The following SLC13A2 variants were observed in gnomAD, a reference collection of about 807,000 sequenced individuals.
The protein encoded by SLC13A2 is Na(+)-coupled citrate transporter.
A neutral mutation model predicts 58.5 loss-of-function variants in SLC13A2; 40 were observed. The observed-to-expected ratio is 0.68, with a 90% CI of 0.53 to 0.89. The LOEUF is 0.89. SLC13A2 is among the 40% of genes least tolerant of loss of function. SLC13A2 has a pLI of 0.00. For missense variants in SLC13A2, 694 were observed against 772.6 expected (o/e 0.90, Z 1.21); for synonymous variants, 341 against 331.6 (o/e 1.03, Z -0.31).
At chr17:28,481,329 A>G (rs1555601082) in intron 1 of SLC13A2, among the ~76,000 whole-genome samples, 1 of 152,244 alleles carries the variant, frequency 6.6e-6, no homozygotes. Flanking sequence ...CAACAAAGTC[A>G]TTCACATCAA....
chr17:28,480,411 C>T (rs1229005871), intron 1 of SLC13A2, among the ~76,000 whole-genome samples: 17 of 152,178 alleles, frequency 1.1e-4, no homozygotes, highest in Non-Finnish European at 7.3e-5. Flanking sequence ...GGATGATTCA[C>T]TTCGGGCATG....
At chr17:28,488,770 C>T (rs1407201226) in intron 1 of SLC13A2, among the ~76,000 whole-genome samples, 1 of 152,226 alleles carries the variant, frequency 6.6e-6, no homozygotes, top group African/African-American at 2.4e-5. Context: ...GCAAAGGGAA[C>T]AAACACTAAA....
intron 7 of SLC13A2, 110 bp downstream of exon 7, chr17:28,493,899 G>A: frequency 2.1e-6 from 3 of 1,462,468 alleles, no homozygotes; most frequent in Non-Finnish European, 2.9e-6. Context: ...CTTGGTGGGG[G>A]ATGAAGGTTC....
chr17:28,491,773 T>C lies in SLC13A2; in HGVS notation c.799T>C (p.Phe267Leu). The part of the protein sequence containing the change: ...NGNVVNFASW[F>L]SFAFPTMVIL... ...CAACGTGGTGAACTTCGCCTCCTGGTTCAGCTTCGCCTTCCCCACCATGGT... is the reference window on the plus strand; with the variant it reads ...CAACGTGGTGAACTTCGCCTCCTGGCTCAGCTTCGCCTTCCCCACCATGGT... Residue 267 changes from phenylalanine to leucine, a missense_variant, in exon 6 of 12, where the codon TTC becomes CTC. Phe to Leu is a conservative substitution (Grantham distance 22). Coordinates refer to ENST00000314669, the MANE Select transcript of SLC13A2 (RefSeq NM_003984.4). The C allele has an allele frequency of 6.2e-7, 1 of 1,614,204 alleles. No homozygotes were observed. The highest frequency in any genetic ancestry group is 8.5e-7 in the Non-Finnish European group (1 of 1,180,030).
rs782052161 is a variant in SLC13A2 at position 28,494,109 on chromosome 17, A to G, written c.1186+4A>G. On this transcript the variant is annotated splice_donor_region_variant and intron_variant, in intron 8 of 11. Transcript: ENST00000314669. This position sits in a 1 kb window ranked among gnomAD's most constrained non-coding sequence, Gnocchi z 4.0. ...CCAGGGCTGACCCAGGACCCAGGTAAGCACCTGGACTGGGGCAGGGAAGGG... is the reference window on the plus strand; with the variant it reads ...CCAGGGCTGACCCAGGACCCAGGTAGGCACCTGGACTGGGGCAGGGAAGGG... The G allele has an allele frequency of 6.2e-7, 1 of 1,613,214 alleles. No homozygotes were observed. Among genetic ancestry groups the G allele is most frequent in the Non-Finnish European group, 8.5e-7 (1 of 1,179,154 alleles).
rs78103056 is a variant in SLC13A2 at position 28,489,227 on chromosome 17, C to T, written c.116C>T (p.Ala39Val). 42 of 1,613,766 alleles carry T rather than the reference C, an allele frequency of 2.6e-5. No individual in the cohort carries two copies. The highest frequency in any genetic ancestry group is 3.3e-5 in the Non-Finnish European group (39 of 1,179,986). ...ILVPSKEAYC[A>V]YAIILMALFW... ...TCCCACCTGCAGGAGGCCTACTGCG[C>T]GTATGCCATCATCCTCATGGCGCTC... is the stretch of plus-strand genomic sequence containing the variant. The change falls in exon 2 of 12, where the codon GCG becomes GTG. Residue 39 changes from alanine to valine, a missense_variant. By Grantham distance (64) the Ala-to-Val change is moderately conservative. Transcript: ENST00000314669.
At chr17:28,477,385 G>T (rs746562699) in intron 1 of SLC13A2, among the ~76,000 whole-genome samples, 22 of 150,050 alleles carry the variant, frequency 1.5e-4, no homozygotes, top group East Asian at 6.1e-4. Flanking sequence ...TAGTAGAGAC[G>T]GGGTTTCACC....
chr17:28,484,137 C>T (rs1403936447), intron 1 of SLC13A2, among the ~76,000 whole-genome samples: 1 of 152,208 alleles, frequency 6.6e-6, no homozygotes, highest in Admixed American at 6.5e-5. Context: ...AGACTTGCAC[C>T]CTGCTCCCTG....
intron 2 of SLC13A2, among the ~76,000 whole-genome samples, chr17:28,489,755 G>C (rs1265968848): frequency 6.6e-5 from 10 of 152,206 alleles, no homozygotes; most frequent in African/African-American, 2.4e-4. Context: ...TAGGGCCTAA[G>C]CATTTTATTT....
chr17:28,479,144 G>A (rs916287823), intron 1 of SLC13A2, among the ~76,000 whole-genome samples: 1 of 152,058 alleles, frequency 6.6e-6, no homozygotes, highest in African/African-American at 2.4e-5. Context: ...AGCCCAGGAG[G>A]TTGAGGCTGC....
intron 1 of SLC13A2, among the ~76,000 whole-genome samples, chr17:28,483,813 TGA>T (rs1164319099): frequency 1.3e-5 from 2 of 152,206 alleles, no homozygotes; most frequent in Admixed American, 1.3e-4. Context: ...CCAGAAAAGC[TGA>T]GAGAGGTTAA....
At chr17:28,475,761 CCTT>C (rs2068660219) in intron 1 of SLC13A2, among the ~76,000 whole-genome samples, 1 of 152,168 alleles carries the variant, frequency 6.6e-6, no homozygotes, top group Non-Finnish European at 1.5e-5. Context: ...TTTGGTGACA[CCTT>C]CTCCTGGTTC....
intron 6 of SLC13A2, 121 bp from the exon 7 acceptor site, chr17:28,493,450 T>G (rs1597890534): frequency 2.7e-6 from 2 of 753,196 alleles, no homozygotes; most frequent in East Asian, 5.4e-5. Context: ...AGCTGGGGCC[T>G]GAGTGTAGTG....
Position 28,494,576 on chromosome 17 carries a change from G to C in SLC13A2, c.1308+64G>C, listed in dbSNP as rs2069103703. 4.4e-6 allele frequency: 7 copies of C among 1,604,298 alleles called. No individual in the cohort carries two copies. Among genetic ancestry groups the C allele is most frequent in the Middle Eastern group, 1.7e-4 (1 of 5,860 alleles). ...GTGTCTCTGTGGCAGGGAGAGAGGG[G>C]GCCCTGCTTCTGTCCCACAGAGGGG... is the stretch of plus-strand genomic sequence containing the variant. On this transcript the variant is annotated intron_variant, in intron 9 of 11. Coordinates refer to ENST00000314669, the MANE Select transcript of SLC13A2 (RefSeq NM_003984.4). This position sits in a 1 kb window ranked among gnomAD's most constrained non-coding sequence, Gnocchi z 4.0.
chr17:28,495,326 T>C (rs1222910367), intron 9 of SLC13A2, among the ~76,000 whole-genome samples: 1 of 152,122 alleles, frequency 6.6e-6, no homozygotes, highest in African/African-American at 2.4e-5. Flanking sequence ...AGGGCTAAGG[T>C]TGTCCAGGGA....
At chr17:28,482,806 G>T (rs1390203665) in intron 1 of SLC13A2, among the ~76,000 whole-genome samples, 1 of 151,986 alleles carries the variant, frequency 6.6e-6, no homozygotes, top group Non-Finnish European at 1.5e-5. Flanking sequence ...CTCAGTACCC[G>T]CTCAAGGTTC....
At chr17:28,485,924 C>T (rs1035138566) in intron 1 of SLC13A2, among the ~76,000 whole-genome samples, 4 of 152,066 alleles carry the variant, frequency 2.6e-5, no homozygotes, top group African/African-American at 9.7e-5. Flanking sequence ...GTGCCCAGCA[C>T]TGGAGGCTGC....
At chr17:28,486,562 G>T (rs1555601992) in intron 1 of SLC13A2, among the ~76,000 whole-genome samples, 1 of 152,162 alleles carries the variant, frequency 6.6e-6, no homozygotes, top group Non-Finnish European at 1.5e-5. Flanking sequence ...CTTCGGAACA[G>T]GTCTTGTGTT....
chr17:28,489,087 T>C (rs2068947719), intron 1 of SLC13A2, 127 bp from the exon 2 acceptor site: 1 of 1,090,562 alleles, frequency 9.2e-7, no homozygotes, highest in Non-Finnish European at 1.3e-6. Flanking sequence ...TGGGAATCAA[T>C]GACTGTGGGT....
Sources: allele counts gnomAD v4.1 joint callset (sites outside exome capture counted in the v4.1 genomes callset), GRCh38; gene constraint gnomAD v4.1.1; non-coding constraint Gnocchi (gnomAD v3.1); transcripts MANE v1.5; gene names NCBI Gene and HGNC (gene_info 2026-07-23, HGNC 2026-07-21).